The following UROS variants were observed in gnomAD, a reference collection of about 807,000 sequenced individuals.
UROS encodes uroporphyrinogen III synthase, also known as uroporphyrinogen-III synthase.
In UROS, 18 loss-of-function variants were observed where a neutral mutation model predicts 33.0. The ratio of observed to expected loss-of-function variants is 0.55; its 90% CI spans 0.38 to 0.81. UROS has a LOEUF of 0.81. Among genes scored for constraint, UROS ranks in the 30% least tolerant of loss-of-function variants. The probability of loss-of-function intolerance (pLI) is 0.00; values close to 1 mark genes in which losing one functional copy is unlikely to be tolerated. For missense variants in UROS, 293 were observed against 314.9 expected, an observed-to-expected ratio of 0.93 and a Z score of 0.53; for synonymous variants, 114 against 121.1, an observed-to-expected ratio of 0.94 and a Z score of 0.38.
Position 125,796,329 on chromosome 10 carries a change from A to C in UROS, c.476-141T>G, listed in dbSNP as rs553023708. On this transcript the variant is annotated intron_variant, in intron 7 of 9. Transcript: ENST00000368797. ...AGCTGCTTGGAAGCTGAGAGGCCAG[A>C]CTCAGCAGAGAGGCCTTGAACAGTC... 6.8e-4 allele frequency: 586 copies of C among 855,626 alleles called. 3 individuals are homozygous for C. In the African/African-American group the frequency reaches 8.5e-3, roughly 12 times the overall value. The allele number at this position is 855,626 out of a possible 1,614,324, so 53.0% of individuals were successfully genotyped here. A position where few individuals can be genotyped will look rare whatever the true frequency, so the allele number is the denominator to read the frequency against.
intron 9 of UROS, chr10:125,792,051 C>G (rs1008117879): frequency 2.0e-5 from 3 of 151,558 alleles, no homozygotes; most frequent in Admixed American, 6.6e-5. Context: ...CTAGGCAACA[C>G]AGTGAGACCC....
intron 6 of UROS, among the ~76,000 whole-genome samples, chr10:125,805,149 C>T (rs529903084): frequency 6.6e-6 from 1 of 152,278 alleles, no homozygotes; most frequent in East Asian, 1.9e-4. Context: ...GCCAAGTGGC[C>T]GAAACACTCT....
At chr10:125,809,088 T>C (rs190828237) in intron 5 of UROS, among the ~76,000 whole-genome samples, 15 of 152,370 alleles carry the variant, frequency 9.8e-5, no homozygotes, top group Middle Eastern at 3.4e-3. Context: ...ACTATAAGAA[T>C]GTACTACCAA....
chr10:125,807,354 T>G, intron 6 of UROS, 59 bp downstream of exon 6: 1 of 1,417,166 alleles, frequency 7.1e-7, no homozygotes, highest in South Asian at 1.2e-5. Flanking sequence ...CCCTAGGTAG[T>G]GGTTGTGAGG....
At chr10:125,787,094 G>A (rs917121015), downstream of UROS, among the ~76,000 whole-genome samples, 2 of 152,204 alleles carry the variant, frequency 1.3e-5, no homozygotes, top group African/African-American at 2.4e-5. Context: ...ACAAGGCTTC[G>A]CCAGAACTGT....
At chr10:125,804,698 T>C (rs894243080) in intron 6 of UROS, among the ~76,000 whole-genome samples, 1 of 152,202 alleles carries the variant, frequency 6.6e-6, no homozygotes, top group Non-Finnish European at 1.5e-5. Flanking sequence ...GAATTGGTCA[T>C]TGATATGAGG....
intron 5 of UROS, among the ~76,000 whole-genome samples, chr10:125,808,746 G>A (rs1462246839): frequency 6.6e-6 from 1 of 152,228 alleles, no homozygotes; most frequent in African/African-American, 2.4e-5. Flanking sequence ...GAGAGGGAAG[G>A]AAGCTATTAA....
chr10:125,813,613 G>C (rs1372658096), intron 4 of UROS, among the ~76,000 whole-genome samples: 1 of 152,166 alleles, frequency 6.6e-6, no homozygotes, highest in Non-Finnish European at 1.5e-5. Context: ...GAGTAGCTGG[G>C]ACTCCAGGCA....
chr10:125,802,367 A>G, intron 6 of UROS: 12 of 985,866 alleles, frequency 1.2e-5, no homozygotes, highest in Non-Finnish European at 1.4e-5. Flanking sequence ...CTGGCTGAAT[A>G]AAAGAGAGTC....
At chr10:125,802,749 T>C (rs1381245160) in intron 6 of UROS, 2 of 1,414,954 alleles carry the variant, frequency 1.4e-6, no homozygotes, top group African/African-American at 2.9e-5. Context: ...ACAGCCCAGG[T>C]AGGGAGGGTA....
chr10:125,810,697 T>C (rs1852731092), intron 5 of UROS, among the ~76,000 whole-genome samples: 1 of 152,234 alleles, frequency 6.6e-6, no homozygotes. Flanking sequence ...AGGCTCCTGC[T>C]GAGATTCTAG....
At chr10:125,808,706 C>A (rs1852545945) in intron 5 of UROS, among the ~76,000 whole-genome samples, 1 of 152,208 alleles carries the variant, frequency 6.6e-6, no homozygotes, top group African/African-American at 2.4e-5. Context: ...ACACCACAAC[C>A]CTGTGAACAG....
rs4385801 is a variant in UROS, at chr10:125,823,221, G to T, written c.-219C>A. 95,772 of 221,424 alleles carry T rather than the reference G, an allele frequency of 0.43. 21,324 individuals carry two copies. Among genetic ancestry groups the T allele is most frequent in the Non-Finnish European group, 0.48 (53,646 of 111,860 alleles). The allele number at this position is 221,424 out of a possible 1,614,324, so 13.7% of individuals were successfully genotyped here. A position where few individuals can be genotyped will look rare whatever the true frequency, so the allele number is the denominator to read the frequency against. ...GGACCCCGCACCTCAGACTGGGGTCGCGTGGGTGGCTGCGCGCAGCTAGGC... is the reference window on the plus strand; with the variant it reads ...GGACCCCGCACCTCAGACTGGGGTCTCGTGGGTGGCTGCGCGCAGCTAGGC... On this transcript the variant is annotated 5_prime_UTR_variant, in exon 1 of 10. Coordinates refer to ENST00000368797, the MANE Select transcript of UROS (RefSeq NM_000375.3).
At chr10:125,786,810 CTGAG>C (rs1260986399), downstream of UROS, among the ~76,000 whole-genome samples, 1 of 152,206 alleles carries the variant, frequency 6.6e-6, no homozygotes, top group East Asian at 1.9e-4. Flanking sequence ...CTTTCTTGAG[CTGAG>C]TAATTACAGA....
In UROS at chr10:125,788,778, C is replaced by T; in HGVS notation, c.*90G>A. 1 of 1,488,922 alleles carries T rather than the reference C, an allele frequency of 6.7e-7. No homozygotes were observed. Among genetic ancestry groups the T allele is most frequent in the Non-Finnish European group, 8.9e-7 (1 of 1,118,112 alleles). The allele number at this position is 1,488,922 out of a possible 1,614,324, so 92.2% of individuals were successfully genotyped here. A position where few individuals can be genotyped will look rare whatever the true frequency, so the allele number is the denominator to read the frequency against. Reference sequence around the variant, plus strand: ...GCTTGAGGCAGGAGTCTGACGGCAGCAGCTCCCGAGAGCCCTTGCCGATGC... The same window carrying T: ...GCTTGAGGCAGGAGTCTGACGGCAGTAGCTCCCGAGAGCCCTTGCCGATGC... On this transcript the variant is annotated 3_prime_UTR_variant, in exon 10 of 10. Transcript: ENST00000368797.
At chr10:125,799,672 C>G (rs954272738) in intron 6 of UROS, among the ~76,000 whole-genome samples, 21 of 152,174 alleles carry the variant, frequency 1.4e-4, no homozygotes, top group Admixed American at 1.1e-3. Context: ...ATCTCTCCAC[C>G]ACCTGTGCCT....
chr10:125,792,262 GC>G (rs1226656547), intron 9 of UROS: 1 of 152,188 alleles, frequency 6.6e-6, no homozygotes, highest in Non-Finnish European at 1.5e-5. Context: ...TGAAACAGCA[GC>G]TTTTTCACAG....
intron 6 of UROS, among the ~76,000 whole-genome samples, chr10:125,805,365 CAG>C (rs1214995791): frequency 6.6e-6 from 1 of 152,206 alleles, no homozygotes; most frequent in Non-Finnish European, 1.5e-5. Context: ...CGGCATGGAG[CAG>C]ATGCCAGTCA....
chr10:125,786,157 G>A (rs1034518556), downstream of UROS, among the ~76,000 whole-genome samples: 4 of 152,050 alleles, frequency 2.6e-5, no homozygotes, highest in Non-Finnish European at 5.9e-5. Flanking sequence ...GAACATCTAC[G>A]AACTCAAAGC....
Sources: gnomAD v4.1 joint callset for allele counts (sites outside exome capture counted in the v4.1 genomes callset) on GRCh38, gnomAD v4.1.1 for gene constraint, MANE v1.5 for transcripts, NCBI Gene and HGNC (gene_info 2026-07-23, HGNC 2026-07-21) for gene names.